SDC4: variants seen among roughly 807,000 people sequenced by gnomAD.
SDC4 encodes the protein syndecan-4.
A neutral mutation model predicts 20.5 loss-of-function variants in SDC4; 17 were observed. The ratio of observed to expected loss-of-function variants is 0.83; its 90% confidence interval spans 0.57 to 1.25. The LOEUF (loss-of-function observed/expected upper bound fraction) is 1.25. SDC4 is among the 50% of genes most tolerant of loss of function. The pLI is 0.00. For synonymous variants in SDC4, 107 were observed against 105.3 expected, an observed-to-expected ratio of 1.02 and a Z score of -0.10; for missense variants, 241 against 252.3, an observed-to-expected ratio of 0.96 and a Z score of 0.30.
At chr20:45,343,699 A>T (rs1489456317) in intron 1 of SDC4, among the ~76,000 whole-genome samples, 2 of 152,136 alleles carry the variant, frequency 1.3e-5, no homozygotes, top group Non-Finnish European at 2.9e-5. Flanking sequence ...GATAAGGGGG[A>T]TGGAGAAAGC....
At chr20:45,329,758 A>G (rs1291077437) in intron 4 of SDC4, among the ~76,000 whole-genome samples, 1 of 142,876 alleles carries the variant, frequency 7.0e-6, no homozygotes, top group Non-Finnish European at 1.5e-5. Flanking sequence ...CACCTGGGAC[A>G]AAGCATTCCT....
At chr20:45,338,801 C>T (rs535410552) in intron 1 of SDC4, among the ~76,000 whole-genome samples, 1 of 152,270 alleles carries the variant, frequency 6.6e-6, no homozygotes, top group South Asian at 2.1e-4. Context: ...AAAAAAGAAA[C>T]TAGTCTAGTC....
chr20:45,339,828 G>A (rs1987929465), intron 1 of SDC4, among the ~76,000 whole-genome samples: 1 of 152,182 alleles, frequency 6.6e-6, no homozygotes, highest in Non-Finnish European at 1.5e-5. Flanking sequence ...GTGCCTGGGG[G>A]TTTAGAGATA....
chr20:45,347,268 G>A (rs574066324), intron 1 of SDC4, among the ~76,000 whole-genome samples: 2 of 152,278 alleles, frequency 1.3e-5, no homozygotes, highest in East Asian at 1.9e-4. Context: ...TAACATTAAT[G>A]GTTAAACTGC....
intron 3 of SDC4, among the ~76,000 whole-genome samples, chr20:45,331,936 C>G (rs914677422): frequency 1.3e-5 from 2 of 152,186 alleles, no homozygotes; most frequent in Non-Finnish European, 2.9e-5. Context: ...TATTCCTTTA[C>G]TTTCTTAATA....
At chr20:45,340,884 C>T (rs759296959) in intron 1 of SDC4, among the ~76,000 whole-genome samples, 1 of 151,560 alleles carries the variant, frequency 6.6e-6, no homozygotes, top group Non-Finnish European at 1.5e-5. Flanking sequence ...CCCCACCCCA[C>T]CCACTTCTTA....
intron 4 of SDC4, 107 bp downstream of exon 4, chr20:45,330,259 G>T (rs2145707888): frequency 1.0e-6 from 1 of 985,970 alleles, no homozygotes; most frequent in Non-Finnish European, 1.6e-6. Flanking sequence ...CAAAAGGAAG[G>T]GGCACCAAGG....
chr20:45,339,374 T>C (rs559487109), intron 1 of SDC4, among the ~76,000 whole-genome samples: 2 of 152,372 alleles, frequency 1.3e-5, no homozygotes, highest in East Asian at 3.9e-4. Context: ...TGTTCGTGTG[T>C]ATACATGCAC....
In SDC4 at chr20:45,330,453, C is replaced by T. The variant is rs1272994820; in HGVS notation, c.358G>A (p.Glu120Lys). ...TTGTTGGACACATCCTCACTCTCTT[C>T]AACGGGTGAGATTCTCTTGGGGATA... ...EVIPKRISPV[E>K]ESEDVSNKVS... Residue 120 changes from glutamate (E) to lysine (K), a missense_variant, in exon 4 of 5, where the codon GAA becomes AAA. Physicochemically the swap from Glu to Lys is moderately conservative, Grantham distance 56. Transcript: ENST00000372733. The T allele has an allele frequency of 3.7e-6, 6 of 1,614,068 alleles. No individual in the cohort carries two copies. The highest frequency in any genetic ancestry group is 4.2e-6 in the Non-Finnish European group (5 of 1,180,008).
intron 3 of SDC4, 144 bp downstream of exon 3, chr20:45,332,879 G>A (rs1037600885): frequency 1.0e-4 from 76 of 739,220 alleles, no homozygotes; most frequent in Middle Eastern, 3.7e-4. Flanking sequence ...GCCCACCCCA[G>A]GGCCAGATTT....
rs893497856 is a variant in SDC4, at chr20:45,348,376, G to A, written c.9C>T (p.Pro3=). 6 of 1,583,042 alleles carry A rather than the reference G, an allele frequency of 3.8e-6. No homozygotes were observed. Among genetic ancestry groups the A allele is most frequent in the African/African-American group, 1.4e-5 (1 of 73,952 alleles). The change falls in exon 1 of 5, where the codon CCC becomes CCT. Residue 3 remains proline, a synonymous_variant. Transcript: ENST00000372733. MA[P]ARLFALLLFF... ...ACAGCAGCAGCGCGAACAGACGGGCGGGGGCCATGGCACCGCGGACTGGAG... is the reference window on the plus strand; with the variant it reads ...ACAGCAGCAGCGCGAACAGACGGGCAGGGGCCATGGCACCGCGGACTGGAG...
chr20:45,337,270 C>T (rs1027089137), intron 1 of SDC4, among the ~76,000 whole-genome samples: 2 of 152,200 alleles, frequency 1.3e-5, no homozygotes, highest in African/African-American at 4.8e-5. Flanking sequence ...CTAATTAATT[C>T]AAACACTAAA....
chr20:45,330,617 G>A (rs1237171624), intron 3 of SDC4, 53 bp from the exon 4 acceptor site: 5 of 1,510,040 alleles, frequency 3.3e-6, no homozygotes, highest in Non-Finnish European at 4.6e-6. Context: ...AAGAGACTCA[G>A]GGCAGGGGAC....
chr20:45,339,725 G>C (rs1208925947), intron 1 of SDC4, among the ~76,000 whole-genome samples: 10 of 152,218 alleles, frequency 6.6e-5, no homozygotes, highest in African/African-American at 2.4e-4. Flanking sequence ...GGGTGACAGA[G>C]GAAGACCCTG....
chr20:45,348,259 C>A, intron 1 of SDC4, 66 bp downstream of exon 1: 3 of 1,342,500 alleles, frequency 2.2e-6, no homozygotes, highest in East Asian at 5.1e-5. Flanking sequence ...CACGCTCCGA[C>A]GAACAAAGGA....
rs6017549 is a variant in SDC4 at position 45,338,418 on chromosome 20, T to C, written c.61-2498A>G. ...AAGAATGGTACACTTTGGCCAGCTG[T>C]TGACCAGGTCAAAGTCCTCAACAGG... On this transcript the variant is annotated intron_variant, in intron 1 of 4. Transcript: ENST00000372733. Among the ~76,000 whole-genome samples the C allele has an allele frequency of 6.3e-3, 953 of 152,306 alleles. 8 individuals are homozygous for C. Among genetic ancestry groups the C allele is most frequent in the African/African-American group, 0.022 (907 of 41,562 alleles).
intron 1 of SDC4, among the ~76,000 whole-genome samples, chr20:45,342,741 A>C (rs561187560): frequency 2.0e-5 from 3 of 152,328 alleles, no homozygotes; most frequent in African/African-American, 7.2e-5. Context: ...CAAAGCCAGA[A>C]AGAACTGCTG....
chr20:45,342,607 G>A (rs1987970266), intron 1 of SDC4, among the ~76,000 whole-genome samples: 1 of 152,078 alleles, frequency 6.6e-6, no homozygotes, highest in South Asian at 2.1e-4. Context: ...GGGGTGAGAT[G>A]CAGCCTGAAG....
chr20:45,332,160 CTTT>C (rs60632364), intron 3 of SDC4, among the ~76,000 whole-genome samples: 32,398 of 140,062 alleles, frequency 0.23, 3,593 homozygotes, highest in East Asian at 0.41. Flanking sequence ...TATATATATA[CTTT>C]TTTTTTTTTT....
Sources: allele counts gnomAD v4.1 joint callset (sites outside exome capture counted in the v4.1 genomes callset), GRCh38; gene constraint gnomAD v4.1.1; transcripts MANE v1.5; gene names NCBI Gene and HGNC (gene_info 2026-07-23, HGNC 2026-07-21).